The following MAP3K9 variants were observed in gnomAD, a reference collection of about 807,000 sequenced individuals.
MAP3K9 encodes mixed lineage kinase 1 (tyr and ser/thr specificity).
MAP3K9 carries 46 observed loss-of-function variants against 95.8 expected under a neutral mutation model. That is an observed-to-expected ratio of 0.48 (90% CI 0.38 to 0.61). The LOEUF is 0.61. MAP3K9 is among the 20% of genes least tolerant of loss of function. MAP3K9 has a pLI of 0.00. For synonymous variants in MAP3K9, 533 were observed against 593.8 expected (o/e 0.90, Z 1.49); for missense variants, 1,296 against 1,474.3 (o/e 0.88, Z 1.98).
chr14:70,732,651 G>T lies in MAP3K9; in HGVS notation c.2718C>A (p.Pro906=). 1 of 1,605,472 alleles carries T rather than the reference G, an allele frequency of 6.2e-7. No homozygotes were observed. Among genetic ancestry groups the T allele is most frequent in the Non-Finnish European group, 8.5e-7 (1 of 1,175,148 alleles). Residue 906 remains proline, a synonymous_variant, in exon 11 of 12, where the codon CCC becomes CCA. Coordinates refer to ENST00000554752, the MANE Select transcript of MAP3K9 (RefSeq NM_001284230.2). The part of the protein sequence containing the change: ...LTPTHVTLTT[P]SQPSSHRRTP... ...TCCGCCGGTGACTGCTGGGCTGCGAGGGGGTGGTGAGGGTGACATGGGTGG... is the reference window on the plus strand; with the variant it reads ...TCCGCCGGTGACTGCTGGGCTGCGATGGGGTGGTGAGGGTGACATGGGTGG...
At chr14:70,804,968 G>A (rs559939716) in intron 1 of MAP3K9, among the ~76,000 whole-genome samples, 4 of 152,258 alleles carry the variant, frequency 2.6e-5, no homozygotes, top group South Asian at 4.1e-4. Context: ...GGATAGGAAC[G>A]AAGGAACTAG....
At chr14:70,778,920 T>C (rs2054636648) in intron 2 of MAP3K9, among the ~76,000 whole-genome samples, 1 of 152,138 alleles carries the variant, frequency 6.6e-6, no homozygotes, top group Non-Finnish European at 1.5e-5. Flanking sequence ...GGAGGATGCC[T>C]GAAACTAGAA....
chr14:70,761,671 C>T (rs1378271560), intron 2 of MAP3K9, among the ~76,000 whole-genome samples: 1 of 152,142 alleles, frequency 6.6e-6, no homozygotes, highest in Non-Finnish European at 1.5e-5. Flanking sequence ...CCTCAAATAC[C>T]GGTATCTACC....
chr14:70,750,525 C>G (rs774200331), intron 3 of MAP3K9, among the ~76,000 whole-genome samples: 3 of 152,152 alleles, frequency 2.0e-5, no homozygotes, highest in Non-Finnish European at 2.9e-5. Context: ...CGCTCGGTTG[C>G]TCAGGCTGGA....
intron 2 of MAP3K9, among the ~76,000 whole-genome samples, chr14:70,794,021 T>C (rs1250002650): frequency 6.6e-6 from 1 of 152,168 alleles, no homozygotes; most frequent in Non-Finnish European, 1.5e-5. Context: ...GACTTAGCAC[T>C]GACTACAGCA....
chr14:70,750,251 A>G (rs1047546156), intron 3 of MAP3K9, among the ~76,000 whole-genome samples, 170 bp from the exon 4 acceptor site: 10 of 152,218 alleles, frequency 6.6e-5, no homozygotes, highest in African/African-American at 2.4e-4. Context: ...TACTAGCTAA[A>G]AGCAAAATCT....
At position 70,725,602 on chromosome 14, in the gene MAP3K9, T is replaced by C. The variant is rs1320056614; in HGVS notation, c.*4778A>G. The C allele has an allele frequency of 2.0e-5, 3 of 152,148 alleles. No individual in the cohort carries two copies. Among genetic ancestry groups the C allele is most frequent in the Admixed American group, 1.3e-4 (2 of 15,262 alleles). The allele number at this position is 152,148 out of a possible 1,614,324, so 9.4% of individuals were successfully genotyped here. On this transcript the variant is annotated 3_prime_UTR_variant, in exon 12 of 12. Transcript: ENST00000554752. ...CTGAGGTCCTCTCCAGAAATAGCAATGGATTTTCCTTTCATATGTGAATTT... is the reference window on the plus strand; with the variant it reads ...CTGAGGTCCTCTCCAGAAATAGCAACGGATTTTCCTTTCATATGTGAATTT...
rs1483217886 is a variant in MAP3K9, at chr14:70,742,522, G to C, written c.1396C>G (p.Arg466Gly). ...LQQKNQEELLRRREQELAERE... is the reference protein window; with the variant it reads ...LQQKNQEELLGRREQELAERE... The stretch of plus-strand genomic sequence containing the variant: ...TCGGCCAGCTCCTGCTCCCGACGCC[G>C]CAGCAGTTCCTCCTGGTTCTTCTGC... Residue 466 changes from arginine to glycine, a missense_variant, in exon 6 of 12, where the codon CGG becomes GGG. Transcript: ENST00000554752. The C allele has an allele frequency of 6.2e-7, 1 of 1,614,048 alleles. No individual in the cohort carries two copies. Among genetic ancestry groups the C allele is most frequent in the African/African-American group, 1.3e-5 (1 of 74,904 alleles).
chr14:70,743,906 G>A (rs917953535), intron 5 of MAP3K9, among the ~76,000 whole-genome samples: 7 of 152,180 alleles, frequency 4.6e-5, no homozygotes, highest in Admixed American at 1.3e-4. Flanking sequence ...ACATGCACAC[G>A]TATGTTTATT....
chr14:70,759,765 T>C (rs1445418050), intron 3 of MAP3K9, among the ~76,000 whole-genome samples: 1 of 152,186 alleles, frequency 6.6e-6, no homozygotes, highest in Non-Finnish European at 1.5e-5. Context: ...CATGCTTATT[T>C]ACTTCTTGAG....
At chr14:70,774,885 TG>T (rs1482312417) in intron 2 of MAP3K9, among the ~76,000 whole-genome samples, 2 of 139,614 alleles carry the variant, frequency 1.4e-5, no homozygotes, top group Admixed American at 1.6e-4. Flanking sequence ...CTTGGGAAGC[TG>T]GGGAAGAGAA....
intron 2 of MAP3K9, among the ~76,000 whole-genome samples, chr14:70,771,349 C>T (rs17108504): frequency 0.03 from 4,609 of 152,108 alleles, 125 homozygotes; most frequent in African/African-American, 0.076. Context: ...CAAAGGCTTC[C>T]GGCTTTCCAT....
intron 2 of MAP3K9, among the ~76,000 whole-genome samples, chr14:70,768,662 T>C (rs1480487173): frequency 6.6e-6 from 1 of 152,166 alleles, no homozygotes; most frequent in East Asian, 1.9e-4. Flanking sequence ...ATCGGGGGTG[T>C]CTTGCCACTA....
At chr14:70,748,201 A>G (rs1393492938) in intron 5 of MAP3K9, among the ~76,000 whole-genome samples, 1 of 152,054 alleles carries the variant, frequency 6.6e-6, no homozygotes, top group Middle Eastern at 3.4e-3. Flanking sequence ...CTGCCCCTAT[A>G]TAAGCAATAT....
At chr14:70,781,094 G>A (rs1467214540) in intron 2 of MAP3K9, among the ~76,000 whole-genome samples, 1 of 152,214 alleles carries the variant, frequency 6.6e-6, no homozygotes, top group Non-Finnish European at 1.5e-5. Flanking sequence ...GTGGGTCTGT[G>A]TCCTCTCCAC....
intron 11 of MAP3K9, 68 bp downstream of exon 11, chr14:70,732,471 G>A: frequency 6.7e-7 from 1 of 1,489,596 alleles, no homozygotes; most frequent in South Asian, 1.4e-5. Flanking sequence ...AGAAAATGAG[G>A]CCTGCAAACA....
At chr14:70,758,880 A>T (rs1387571436) in intron 3 of MAP3K9, among the ~76,000 whole-genome samples, 1 of 152,028 alleles carries the variant, frequency 6.6e-6, no homozygotes, top group Non-Finnish European at 1.5e-5. Context: ...CTCCTGCCTC[A>T]GTCTCCCGAG....
chr14:70,798,556 G>A (rs1296771212), intron 2 of MAP3K9, among the ~76,000 whole-genome samples: 1 of 134,742 alleles, frequency 7.4e-6, no homozygotes, highest in Non-Finnish European at 1.5e-5. Context: ...TCGGCTCACT[G>A]CAAGCTCCGC....
chr14:70,775,251 A>C (rs2054582910), intron 2 of MAP3K9, among the ~76,000 whole-genome samples: 2 of 152,018 alleles, frequency 1.3e-5, no homozygotes, highest in Admixed American at 6.6e-5. Flanking sequence ...ACATTACCTC[A>C]TGCAGTTTTC....
Sources: gnomAD v4.1 joint callset for allele counts (sites outside exome capture counted in the v4.1 genomes callset) on GRCh38, gnomAD v4.1.1 for gene constraint, MANE v1.5 for transcripts, NCBI Gene and HGNC (gene_info 2026-07-23, HGNC 2026-07-21) for gene names.